GALNT8: variants seen among roughly 807,000 people sequenced by gnomAD.
The protein encoded by GALNT8 is probable polypeptide N-acetylgalactosaminyltransferase 8.
Under a neutral mutation model 62.7 loss-of-function variants are expected in GALNT8, and 66 were observed. The ratio of observed to expected loss-of-function variants is 1.05; its 90% CI spans 0.86 to 1.29. The LOEUF is 1.29. Ranked by LOEUF, GALNT8 falls within the 50% of genes most tolerant of loss-of-function variation. GALNT8 has a pLI of 0.00. For synonymous variants in GALNT8, 288 were observed against 294.3 expected (o/e 0.98, Z 0.22); for missense variants, 771 against 791.8 (o/e 0.97, Z 0.32).
At chr12:4,727,223 C>T (rs1395506767) in intron 2 of GALNT8, among the ~76,000 whole-genome samples, 1 of 152,104 alleles carries the variant, frequency 6.6e-6, no homozygotes, top group Non-Finnish European at 1.5e-5. Flanking sequence ...TACTTGAATT[C>T]CTCTTTGCTG....
rs58809573 is a variant in GALNT8, at chr12:4,764,530, A to ATTTTTTT, written c.1593+508_1593+514dup. 2.7e-4 allele frequency among the ~76,000 whole-genome samples: 28 copies of ATTTTTTT among 102,232 alleles called. 2 individuals carry two copies. Among genetic ancestry groups the ATTTTTTT allele is most frequent in the East Asian group, 2.1e-3 (7 of 3,272 alleles). The allele number at this position is 102,232 out of a possible 152,430, so 67.1% of individuals were successfully genotyped here. On this transcript the variant is annotated intron_variant, in intron 9 of 10. Coordinates refer to ENST00000252318, the MANE Select transcript of GALNT8 (RefSeq NM_017417.2). ...ACCATGTGGAAGGTGCAGTCAGGGG[A>ATTTTTTT]TTTTTTTTTTTTTTTTTTTTTTTTT...
intron 6 of GALNT8, among the ~76,000 whole-genome samples, chr12:4,758,427 C>G (rs1946354627): frequency 1.3e-5 from 2 of 152,058 alleles, no homozygotes; most frequent in African/African-American, 4.8e-5. Flanking sequence ...ACACACTGTG[C>G]CAGAACTGAA....
Position 4,764,980 on chromosome 12 carries a change from A to G in GALNT8, c.1594-399A>G, listed in dbSNP as rs551242547. 1.2e-3 allele frequency among the ~76,000 whole-genome samples: 190 copies of G among 152,208 alleles called. 2 individuals are homozygous for G. The South Asian group carries it at 0.013, about 11-fold the overall frequency. On this transcript the variant is annotated intron_variant, in intron 9 of 10. Coordinates refer to ENST00000252318, the MANE Select transcript of GALNT8 (RefSeq NM_017417.2). Reference sequence around the variant, plus strand: ...TGCACTTAGTTGAAAAAATGGAGACACATTAATAACCTACTTGTCCAAGCT... The same window carrying G: ...TGCACTTAGTTGAAAAAATGGAGACGCATTAATAACCTACTTGTCCAAGCT...
At chr12:4,763,127 T>C in intron 7 of GALNT8, 126 bp from the exon 8 acceptor site, 1 of 715,896 alleles carries the variant, frequency 1.4e-6, no homozygotes, top group Non-Finnish European at 2.4e-6. Context: ...TCCATTAAGT[T>C]GGGTTGCAGT....
intron 6 of GALNT8, among the ~76,000 whole-genome samples, chr12:4,752,563 C>T (rs1481605624): frequency 6.6e-6 from 1 of 150,848 alleles, no homozygotes; most frequent in Admixed American, 6.6e-5. Flanking sequence ...AAAAACTCTA[C>T]ACCTTGACTT....
chr12:4,728,282 T>A (rs778552177), intron 2 of GALNT8, among the ~76,000 whole-genome samples: 4 of 152,040 alleles, frequency 2.6e-5, no homozygotes, highest in Non-Finnish European at 5.9e-5. Context: ...ATCAGAAATA[T>A]CACTTGTTAA....
chr12:4,730,551 A>C lies in GALNT8; in HGVS notation c.509+3722A>C, dbSNP rs1946217005. Among the ~76,000 whole-genome samples, 4 of 152,218 alleles carry C rather than the reference A, an allele frequency of 2.6e-5. 1 individual carries two copies. In the South Asian group the frequency reaches 8.3e-4, roughly 32 times the overall value. On this transcript the variant is annotated intron_variant, in intron 2 of 10. Transcript: ENST00000252318. ...GTGTGGATTTATATCTGTGTTCTATATTCTGTTCCACTACTCTATGTCTGT... is the reference window on the plus strand; with the variant it reads ...GTGTGGATTTATATCTGTGTTCTATCTTCTGTTCCACTACTCTATGTCTGT...
intron 7 of GALNT8, 68 bp downstream of exon 7, chr12:4,761,211 G>A: frequency 7.3e-7 from 1 of 1,372,730 alleles, no homozygotes; most frequent in Non-Finnish European, 1.0e-6. Context: ...ATGTAATGGG[G>A]AGGGATAAAG....
rs1341278753 is a variant in GALNT8 at position 4,720,572 on chromosome 12, A to C, written c.-106A>C. 1 of 788,708 alleles carries C rather than the reference A, an allele frequency of 1.3e-6. No homozygotes were observed. Among genetic ancestry groups the C allele is most frequent in the Non-Finnish European group, 2.2e-6 (1 of 451,484 alleles). The allele number at this position is 788,708 out of a possible 1,614,324, so 48.9% of individuals were successfully genotyped here. A position where few individuals can be genotyped will look rare whatever the true frequency, so the allele number is the denominator to read the frequency against. On this transcript the variant is annotated 5_prime_UTR_variant, in exon 1 of 11. Coordinates refer to ENST00000252318, the MANE Select transcript of GALNT8 (RefSeq NM_017417.2). ...CACAGGGGAGACCAACTCAACTGGCACCTAGAACTCTCTTTCCCACAAAAG... is the reference window on the plus strand; with the variant it reads ...CACAGGGGAGACCAACTCAACTGGCCCCTAGAACTCTCTTTCCCACAAAAG...
intron 2 of GALNT8, among the ~76,000 whole-genome samples, chr12:4,736,489 TCAAC>T (rs1223494122): frequency 1.3e-5 from 2 of 151,278 alleles, no homozygotes; most frequent in Admixed American, 1.3e-4. Flanking sequence ...AGGAATCTAA[TCAAC>T]CAAGGAGGTT....
rs1450819478 is a variant in GALNT8 at position 4,749,184 on chromosome 12, T to C, written c.1173+2926T>C. On this transcript the variant is annotated intron_variant, in intron 6 of 10. Coordinates refer to ENST00000252318, the MANE Select transcript of GALNT8 (RefSeq NM_017417.2). The surrounding 1 kb of genome is among the most constrained non-coding windows in gnomAD (Gnocchi z 4.1). Reference sequence around the variant, plus strand: ...AACTTGAACTTCATCCATTCCAACTTGGATGCCTTTATTTATTTCTCTTGT... The same window carrying C: ...AACTTGAACTTCATCCATTCCAACTCGGATGCCTTTATTTATTTCTCTTGT... Among the ~76,000 whole-genome samples the C allele has an allele frequency of 6.6e-6, 1 of 152,218 alleles. No homozygotes were observed. The highest frequency in any genetic ancestry group is 2.4e-5 in the African/African-American group (1 of 41,468).
At position 4,726,801 on chromosome 12, in the gene GALNT8, C is replaced by T. The variant is rs138649928; in HGVS notation, c.481C>T (p.Arg161Cys). 1.5e-4 allele frequency: 240 copies of T among 1,613,660 alleles called. No individual in the cohort carries two copies. The East Asian group carries it at 4.7e-3, about 31-fold the overall frequency. Residue 161 changes from arginine to cysteine, a missense_variant, in exon 2 of 11, where the codon CGC becomes TGC. By Grantham distance (180) the Arg-to-Cys change is radical. Transcript: ENST00000252318. This position sits in a 1 kb window ranked among gnomAD's most constrained non-coding sequence, Gnocchi z 4.1. ...AYLSNQLPLN[R>C]TIPDTRDYRC... is the part of the protein sequence containing the mutation. ...CCTCAGCAACCAGCTGCCTCTCAAT[C>T]GCACCATCCCCGACACGCGAGACTA...
chr12:4,746,141 T>C lies in GALNT8; in HGVS notation c.1059-3T>C. On this transcript the variant is annotated splice_region_variant and splice_polypyrimidine_tract_variant and intron_variant, in intron 5 of 10. Coordinates refer to ENST00000252318, the MANE Select transcript of GALNT8 (RefSeq NM_017417.2). Reference sequence around the variant, plus strand: ...TTAGTGACTCTTGCTGTGTGCTCTGTAGGAGTCCTTCAATCATGGGCATCC... The same window carrying C: ...TTAGTGACTCTTGCTGTGTGCTCTGCAGGAGTCCTTCAATCATGGGCATCC... The C allele has an allele frequency of 6.4e-7, 1 of 1,553,286 alleles. No homozygotes were observed. The highest frequency in any genetic ancestry group is 8.9e-7 in the Non-Finnish European group (1 of 1,124,610).
intron 10 of GALNT8, among the ~76,000 whole-genome samples, chr12:4,771,190 A>G (rs1259084027): frequency 1.1e-4 from 16 of 152,154 alleles, no homozygotes. Context: ...CTGAGGAGTA[A>G]GCTGAGCCCT....
chr12:4,735,462 G>T (rs1387304499), intron 2 of GALNT8, among the ~76,000 whole-genome samples: 1 of 152,044 alleles, frequency 6.6e-6, no homozygotes, highest in Non-Finnish European at 1.5e-5. Flanking sequence ...GCATACATAG[G>T]TCCTTGGTAT....
At chr12:4,755,299 T>G (rs1281547875) in intron 6 of GALNT8, among the ~76,000 whole-genome samples, 1 of 152,234 alleles carries the variant, frequency 6.6e-6, no homozygotes, top group Admixed American at 6.5e-5. Flanking sequence ...TCCCTCTGGC[T>G]GGGGCTGGTT....
chr12:4,758,897 T>C (rs1442196926), intron 6 of GALNT8, among the ~76,000 whole-genome samples: 1 of 151,812 alleles, frequency 6.6e-6, no homozygotes, highest in Admixed American at 6.6e-5. Flanking sequence ...CTGCCTCAGC[T>C]CCTGAGTAGC....
At chr12:4,752,582 C>A (rs1013426471) in intron 6 of GALNT8, among the ~76,000 whole-genome samples, 3 of 150,816 alleles carry the variant, frequency 2.0e-5, no homozygotes, top group East Asian at 1.9e-4. Context: ...TTTGTCCCCC[C>A]ACTTTTTAAC....
intron 6 of GALNT8, among the ~76,000 whole-genome samples, chr12:4,748,060 T>C (rs1010291958): frequency 6.6e-6 from 1 of 152,226 alleles, no homozygotes; most frequent in African/African-American, 2.4e-5. Flanking sequence ...CATTTTTTGA[T>C]TGGATTATTA....
Sources: gnomAD v4.1 joint callset for allele counts (sites outside exome capture counted in the v4.1 genomes callset) on GRCh38, gnomAD v4.1.1 for gene constraint, Gnocchi (gnomAD v3.1) non-coding constraint, MANE v1.5 for transcripts, NCBI Gene and HGNC (gene_info 2026-07-23, HGNC 2026-07-21) for gene names.